Variants in MORC1 observed in about 807,000 individuals in gnomAD.
The protein encoded by MORC1 is MORC family CW-type zinc finger protein 1.
In MORC1, 59 loss-of-function variants were observed where a neutral mutation model predicts 134.9. The observed-to-expected ratio is 0.44, with a 90% CI of 0.35 to 0.54. The LOEUF (loss-of-function observed/expected upper bound fraction) is 0.54, where lower values mean the gene tolerates loss of function less well. MORC1 is among the 20% of genes least tolerant of loss of function. The probability of loss-of-function intolerance (pLI) is 0.00; values close to 1 mark genes in which losing one functional copy is unlikely to be tolerated. For missense variants in MORC1, 947 were observed against 1,134.5 expected, an observed-to-expected ratio of 0.83 and a Z score of 2.37; for synonymous variants, 395 against 391.7, an observed-to-expected ratio of 1.01 and a Z score of -0.10.
intron 21 of MORC1, among the ~76,000 whole-genome samples, chr3:108,990,109 G>A (rs989966583): frequency 3.2e-4 from 49 of 152,030 alleles, no homozygotes; most frequent in Admixed American, 3.0e-3. Context: ...CTTCCACCAC[G>A]ATTGGAGGCC....
intron 23 of MORC1, among the ~76,000 whole-genome samples, chr3:108,981,170 A>G (rs1947707264): frequency 6.6e-6 from 1 of 152,198 alleles, no homozygotes; most frequent in African/African-American, 2.4e-5. Flanking sequence ...TAGAGGTCAG[A>G]TCATGAAGGG....
chr3:109,021,738 A>G (rs865896121), intron 17 of MORC1, among the ~76,000 whole-genome samples: 2 of 152,208 alleles, frequency 1.3e-5, no homozygotes, highest in Non-Finnish European at 2.9e-5. Context: ...GTAAACCACA[A>G]ATGCTGTTCC....
rs76283465 is a variant in MORC1 at position 109,088,810 on chromosome 3, G to T, written c.689+4626C>A. On this transcript the variant is annotated intron_variant, in intron 8 of 27. Transcript: ENST00000232603. ...ACTATATCACAATAGCAAAGATATGGAACCTAAATGTCCATAAATGACAGA... is the reference window on the plus strand; with the variant it reads ...ACTATATCACAATAGCAAAGATATGTAACCTAAATGTCCATAAATGACAGA... 8.7e-4 allele frequency among the ~76,000 whole-genome samples: 133 copies of T among 152,158 alleles called. 2 individuals are homozygous for T. The East Asian group carries it at 0.022, about 25-fold the overall frequency.
At chr3:108,992,787 C>T (rs908623731) in intron 21 of MORC1, among the ~76,000 whole-genome samples, 2 of 152,156 alleles carry the variant, frequency 1.3e-5, no homozygotes, top group African/African-American at 2.4e-5. Flanking sequence ...TTTGGCAGTG[C>T]CCCTCTCCTC....
chr3:109,032,356 T>C (rs1387995541), intron 16 of MORC1, among the ~76,000 whole-genome samples: 5 of 152,184 alleles, frequency 3.3e-5, no homozygotes, highest in African/African-American at 1.2e-4. Flanking sequence ...GCATACGGTC[T>C]AACAGTTTAA....
chr3:108,983,001 G>T (rs1239297026), intron 23 of MORC1, among the ~76,000 whole-genome samples: 2 of 148,324 alleles, frequency 1.3e-5, no homozygotes, highest in African/African-American at 2.5e-5. Flanking sequence ...CATTCATATT[G>T]TATTTACAAG....
At position 109,093,554 on chromosome 3, in the gene MORC1, T is replaced by C. The variant is rs757792299; in HGVS notation, c.584-13A>G. 1.3e-6 allele frequency: 2 copies of C among 1,561,938 alleles called. No homozygotes were observed. The highest frequency in any genetic ancestry group is 1.7e-5 in the Admixed American group (1 of 59,724). On this transcript the variant is annotated splice_polypyrimidine_tract_variant and intron_variant, in intron 7 of 27. Transcript: ENST00000232603. Reference sequence around the variant, plus strand: ...ACCAGCAAAGTACCTGGTAGAAAAATAGATGTTTGACTTGTCAGTATTTTA... The same window carrying C: ...ACCAGCAAAGTACCTGGTAGAAAAACAGATGTTTGACTTGTCAGTATTTTA...
At chr3:109,003,010 A>T (rs111233677) in intron 20 of MORC1, among the ~76,000 whole-genome samples, 7 of 152,272 alleles carry the variant, frequency 4.6e-5, no homozygotes, top group African/African-American at 1.7e-4. Context: ...TTACATTTCA[A>T]TCCTAAAAGG....
chr3:109,025,181 A>T (rs1409887821), intron 17 of MORC1, among the ~76,000 whole-genome samples: 1 of 152,008 alleles, frequency 6.6e-6, no homozygotes, highest in Non-Finnish European at 1.5e-5. Context: ...TTTAATTTTT[A>T]AAATATGAAA....
rs1206597057 is a variant in MORC1, at chr3:108,977,076, G to A, written c.2477+2439C>T. ...ACTCTGCTGCAACACACTCAGACAG[G>A]TCTCTCTAGGTCTCCTAGTGTGAAG... On this transcript the variant is annotated intron_variant, in intron 24 of 27. Coordinates refer to ENST00000232603, the MANE Select transcript of MORC1 (RefSeq NM_014429.4). Among the ~76,000 whole-genome samples, 4 of 152,118 alleles carry A rather than the reference G, an allele frequency of 2.6e-5. No homozygotes were observed. In the East Asian group the frequency reaches 7.7e-4, roughly 29 times the overall value.
At chr3:109,070,946 G>C (rs891192737) in intron 8 of MORC1, among the ~76,000 whole-genome samples, 1 of 152,130 alleles carries the variant, frequency 6.6e-6, no homozygotes, top group Non-Finnish European at 1.5e-5. Context: ...TTACATATTA[G>C]TATCTAGTCC....
At chr3:108,975,104 T>C (rs1050575468) in intron 24 of MORC1, among the ~76,000 whole-genome samples, 7 of 152,214 alleles carry the variant, frequency 4.6e-5, no homozygotes, top group Non-Finnish European at 8.8e-5. Flanking sequence ...TTTCTAAACA[T>C]GGTAGACATG....
chr3:109,013,094 A>G (rs78479120), intron 17 of MORC1, among the ~76,000 whole-genome samples: 3 of 152,122 alleles, frequency 2.0e-5, no homozygotes, highest in Non-Finnish European at 4.4e-5. Context: ...TGATTTTCTG[A>G]AAATTTTATC....
chr3:108,966,063 G>T (rs6809246), intron 26 of MORC1, among the ~76,000 whole-genome samples: 1 of 152,046 alleles, frequency 6.6e-6, no homozygotes, highest in Non-Finnish European at 1.5e-5. Context: ...TTCAAGCTCA[G>T]TGTAAAAGGA....
At chr3:108,996,284 G>GCACACACACACACACA (rs1367526527) in intron 21 of MORC1, among the ~76,000 whole-genome samples, 16 of 77,570 alleles carry the variant, frequency 2.1e-4, no homozygotes, top group Admixed American at 3.6e-4. Flanking sequence ...GTGCGCGCGC[G>GCACACACACACACACA]CGCACACACA....
intron 14 of MORC1, among the ~76,000 whole-genome samples, chr3:109,054,280 CAAAA>C (rs11292790): frequency 8.9e-6 from 1 of 112,682 alleles, no homozygotes; most frequent in Non-Finnish European, 1.9e-5. Context: ...GACTCCATCT[CAAAA>C]AAAAAAAAAA....
At chr3:109,032,059 C>A (rs1331133534) in intron 16 of MORC1, among the ~76,000 whole-genome samples, 1 of 151,956 alleles carries the variant, frequency 6.6e-6, no homozygotes, top group Non-Finnish European at 1.5e-5. Context: ...AAAAAAATAA[C>A]CAAACAGGAG....
chr3:109,099,683 G>A (rs77541160), intron 5 of MORC1, among the ~76,000 whole-genome samples: 2,546 of 152,032 alleles, frequency 0.017, 70 homozygotes, highest in African/African-American at 0.058. Flanking sequence ...TTTGGCTGCA[G>A]GGGAAAGGGT....
intron 6 of MORC1, among the ~76,000 whole-genome samples, chr3:109,097,105 G>C (rs1356584544): frequency 6.6e-6 from 1 of 152,094 alleles, no homozygotes; most frequent in African/African-American, 2.4e-5. Context: ...GGTGTAAATA[G>C]ACCACGCAAA....
Sources: allele counts gnomAD v4.1 joint callset (sites outside exome capture counted in the v4.1 genomes callset), GRCh38; gene constraint gnomAD v4.1.1; transcripts MANE v1.5; gene names NCBI Gene and HGNC (gene_info 2026-07-23, HGNC 2026-07-21).